Variants in ZNF729 observed in about 807,000 individuals in gnomAD.
ZNF729 encodes zinc finger protein 729.
Under a neutral mutation model 12.2 loss-of-function variants are expected in ZNF729, and 15 were observed. The ratio of observed to expected loss-of-function variants is 1.23; its 90% CI spans 0.82 to 1.89. ZNF729 has a LOEUF of 1.89. ZNF729 is among the 40% of genes most tolerant of loss of function. The pLI is 0.00. For missense variants in ZNF729, 1,540 were observed against 1,456.7 expected (o/e 1.06, Z -0.93); for synonymous variants, 492 against 476.3 (o/e 1.03, Z -0.43).
intron 1 of ZNF729, among the ~76,000 whole-genome samples, chr19:22,287,750 AGCCTATCTCTG>A (rs1968099972): frequency 6.6e-6 from 1 of 150,998 alleles, no homozygotes; most frequent in African/African-American, 2.4e-5. Context: ...CCATTCCTGC[AGCCTATCTCTG>A]GCTTGCAGTA....
At chr19:22,303,949 G>T in intron 2 of ZNF729, 65 bp downstream of exon 2, 1 of 1,438,754 alleles carries the variant, frequency 7.0e-7, no homozygotes, top group Non-Finnish European at 9.3e-7. Context: ...CTTTTCTGTA[G>T]AATGTGTTTT....
chr19:22,305,751 G>A (rs1384599904), intron 3 of ZNF729, among the ~76,000 whole-genome samples: 3 of 151,966 alleles, frequency 2.0e-5, no homozygotes, highest in Non-Finnish European at 4.4e-5. Context: ...GGAACATATT[G>A]CATGCTTTTT....
At chr19:22,295,223 GTAGGGTTTTC>G (rs1410287856) in intron 1 of ZNF729, among the ~76,000 whole-genome samples, 3 of 151,326 alleles carry the variant, frequency 2.0e-5, no homozygotes, top group Non-Finnish European at 2.9e-5. Context: ...TGCAGAGACT[GTAGGGTTTTC>G]TAGATACAGA....
intron 1 of ZNF729, among the ~76,000 whole-genome samples, chr19:22,295,593 G>T (rs1295314452): frequency 2.0e-5 from 3 of 151,954 alleles, no homozygotes. Flanking sequence ...CTGGAGACGG[G>T]GTTTCACCGT....
chr19:22,311,923 G>A (rs1256209290), intron 3 of ZNF729, among the ~76,000 whole-genome samples: 2 of 152,012 alleles, frequency 1.3e-5, no homozygotes, highest in Non-Finnish European at 2.9e-5. Context: ...TGTTGTACAA[G>A]ACCTTTTACC....
rs1441414568 is a variant in ZNF729 at position 22,314,772 on chromosome 19, T to C, written c.1355T>C (p.Ile452Thr). ...TCCTCAACCCTTATGAAACATAAGA[T>C]AATTCATACTGGGGAGAAACCATAC... ...NSSSTLMKHK[I>T]IHTGEKPYKC... The change falls in exon 4 of 4, where the codon ATA becomes ACA. Residue 452 changes from isoleucine (I) to threonine (T), a missense_variant. Coordinates refer to ENST00000601693, the MANE Select transcript of ZNF729 (RefSeq NM_001242680.2). 1 of 1,613,566 alleles carries C rather than the reference T, an allele frequency of 6.2e-7. No homozygotes were observed. The highest frequency in any genetic ancestry group is 1.1e-5 in the South Asian group (1 of 91,056).
intron 1 of ZNF729, among the ~76,000 whole-genome samples, chr19:22,301,877 G>C (rs1164571250): frequency 1.0e-3 from 155 of 152,344 alleles, no homozygotes; most frequent in Non-Finnish European, 1.9e-3. Context: ...CAAATCAGAA[G>C]AGGTGATCTA....
intron 1 of ZNF729, among the ~76,000 whole-genome samples, chr19:22,298,021 A>AAAAAC (rs1968253872): frequency 6.7e-6 from 1 of 149,596 alleles, no homozygotes; most frequent in African/African-American, 2.5e-5. Flanking sequence ...AAAAAAAAAA[A>AAAAAC]AAAAAACACA....
chr19:22,303,994 C>G, intron 2 of ZNF729, 110 bp downstream of exon 2: 2 of 1,139,300 alleles, frequency 1.8e-6, no homozygotes, highest in Non-Finnish European at 2.4e-6. Context: ...AGTTTCACAT[C>G]CCTGTTTTCT....
At chr19:22,292,833 A>G (rs1968173259) in intron 1 of ZNF729, among the ~76,000 whole-genome samples, 2 of 152,184 alleles carry the variant, frequency 1.3e-5, no homozygotes, top group Admixed American at 1.3e-4. Flanking sequence ...ATGAACATGT[A>G]TGTGCAGGTG....
intron 1 of ZNF729, among the ~76,000 whole-genome samples, chr19:22,302,627 G>GGT (rs1741618743): frequency 6.6e-6 from 1 of 152,296 alleles, no homozygotes; most frequent in Admixed American, 6.5e-5. Flanking sequence ...GTGCATCTTA[G>GGT]GTAAGCTTAG....
intron 1 of ZNF729, among the ~76,000 whole-genome samples, chr19:22,300,097 A>G (rs1318304500): frequency 6.6e-6 from 1 of 152,216 alleles, no homozygotes; most frequent in Non-Finnish European, 1.5e-5. Context: ...CCATTTTTGT[A>G]GGAGATTGAG....
At chr19:22,290,805 C>G (rs975253333) in intron 1 of ZNF729, among the ~76,000 whole-genome samples, 1 of 151,904 alleles carries the variant, frequency 6.6e-6, no homozygotes, top group Non-Finnish European at 1.5e-5. Flanking sequence ...GGCTATGTGA[C>G]AGGTAAGAAA....
chr19:22,294,762 T>G (rs1271583076), intron 1 of ZNF729, among the ~76,000 whole-genome samples: 1 of 151,126 alleles, frequency 6.6e-6, no homozygotes, highest in African/African-American at 2.4e-5. Flanking sequence ...GTTCAAGCTA[T>G]TCTCCTGCCT....
At chr19:22,295,036 ATTTGTGTGTGTGTGTGTG>A (rs1431355356) in intron 1 of ZNF729, among the ~76,000 whole-genome samples, 1 of 91,292 alleles carries the variant, frequency 1.1e-5, no homozygotes, top group South Asian at 3.7e-4. Context: ...ACTCCTAGAT[ATTTGTGTGTGTGTGTGTG>A]TGTGTGTGTG....
chr19:22,301,759 G>A (rs1968308277), intron 1 of ZNF729, among the ~76,000 whole-genome samples: 1 of 152,296 alleles, frequency 6.6e-6, no homozygotes, highest in Non-Finnish European at 1.5e-5. Context: ...CATCTTAGGA[G>A]TGAGAGATCA....
At chr19:22,309,058 A>C (rs1057413164) in intron 3 of ZNF729, among the ~76,000 whole-genome samples, 3 of 152,230 alleles carry the variant, frequency 2.0e-5, no homozygotes, top group African/African-American at 7.2e-5. Flanking sequence ...TAAGTCCTTA[A>C]TCCATCTTGA....
At chr19:22,303,110 G>A (rs1005115483) in intron 1 of ZNF729, among the ~76,000 whole-genome samples, 2 of 152,074 alleles carry the variant, frequency 1.3e-5, no homozygotes, top group African/African-American at 2.4e-5. Context: ...GTGCACCAGT[G>A]ATCACATTTA....
At chr19:22,289,981 C>T (rs1968131819) in intron 1 of ZNF729, among the ~76,000 whole-genome samples, 1 of 152,058 alleles carries the variant, frequency 6.6e-6, no homozygotes, top group Non-Finnish European at 1.5e-5. Flanking sequence ...AATGTAAGCA[C>T]CTTAAAATTT....
Sources: gnomAD v4.1 joint callset for allele counts (sites outside exome capture counted in the v4.1 genomes callset) on GRCh38, gnomAD v4.1.1 for gene constraint, MANE v1.5 for transcripts, NCBI Gene and HGNC (gene_info 2026-07-23, HGNC 2026-07-21) for gene names.